RSPH9: variants seen among roughly 807,000 people sequenced by gnomAD.
RSPH9 encodes the protein radial spoke head protein 9 homolog.
Under a neutral mutation model 27.0 loss-of-function variants are expected in RSPH9, and 27 were observed. The observed-to-expected ratio is 1.00, with a 90% CI of 0.74 to 1.38. The LOEUF is 1.38. Among genes scored for constraint, RSPH9 ranks in the 40% most tolerant of loss-of-function variants. The probability of loss-of-function intolerance (pLI) is 0.00; values close to 1 mark genes in which losing one functional copy is unlikely to be tolerated. For synonymous variants in RSPH9, 145 were observed against 147.7 expected (o/e 0.98, Z 0.13); for missense variants, 347 against 357.4 (o/e 0.97, Z 0.24).
At chr6:43,665,262 C>T (rs1773028251) in intron 4 of RSPH9, among the ~76,000 whole-genome samples, 1 of 152,214 alleles carries the variant, frequency 6.6e-6, no homozygotes. Context: ...TCTGCTGTCT[C>T]GGGTAAGGTG....
At chr6:43,652,612 G>C (rs184598517) in intron 2 of RSPH9, among the ~76,000 whole-genome samples, 29 of 151,846 alleles carry the variant, frequency 1.9e-4, no homozygotes, top group African/African-American at 6.8e-4. Context: ...TTTTAGTAGA[G>C]ACGGGGTTTC....
At position 43,672,175 on chromosome 6, in the gene RSPH9, G is replaced by A. The variant is rs1165226202; in HGVS notation, c.*1226G>A. On this transcript the variant is annotated 3_prime_UTR_variant, in exon 5 of 5. Transcript: ENST00000372163. Reference sequence around the variant, plus strand: ...TCCCTTGATCTTTGTAAATGTCAATGTTGGTGTGTGTTTGCTGAGGAAAAG... The same window carrying A: ...TCCCTTGATCTTTGTAAATGTCAATATTGGTGTGTGTTTGCTGAGGAAAAG... 9.2e-6 allele frequency: 5 copies of A among 541,596 alleles called. No homozygotes were observed. The highest frequency in any genetic ancestry group is 1.4e-5 in the Non-Finnish European group (4 of 291,502). 33.5% of individuals were successfully genotyped at this position (541,596 alleles called of 1,614,324 possible).
rs1234696254 is a variant in RSPH9 at position 43,672,518 on chromosome 6, G to A, written c.*1569G>A. ...TTGGCCTCCTTTGGGGATGGCCAGG[G>A]CCCTGATAGTTCCCAGAAAAGTGGC... On this transcript the variant is annotated 3_prime_UTR_variant, in exon 5 of 5. Coordinates refer to ENST00000372163, the MANE Select transcript of RSPH9 (RefSeq NM_152732.5). The A allele has an allele frequency of 1.8e-5, 8 of 443,132 alleles. No homozygotes were observed. The Middle Eastern group carries it at 2.7e-3, about 151-fold the overall frequency. The allele number at this position is 443,132 out of a possible 1,614,324, so 27.5% of individuals were successfully genotyped here.
intron 4 of RSPH9, among the ~76,000 whole-genome samples, chr6:43,660,039 CTTTTT>C (rs1163299257): frequency 2.7e-5 from 3 of 109,312 alleles, no homozygotes; most frequent in African/African-American, 1.1e-4. Flanking sequence ...CCAGCCTGGC[CTTTTT>C]TTTTTTTTTT....
Position 43,645,269 on chromosome 6 carries a change from C to T in RSPH9, c.171C>T (p.Tyr57=). 19 of 1,614,006 alleles carry T rather than the reference C, an allele frequency of 1.2e-5. No individual in the cohort carries two copies. Among genetic ancestry groups the T allele is most frequent in the Non-Finnish European group, 1.5e-5 (18 of 1,180,004 alleles). ...WGRILGLVAD[Y]YIAQGLSEDQ... is the part of the protein sequence containing the mutation. The stretch of plus-strand genomic sequence containing the variant: ...GCATCCTTGGCCTCGTCGCCGATTA[C>T]TACATCGCGCAGGGCCTGAGTGAGG... Residue 57 remains tyrosine (Y), a synonymous_variant, in exon 1 of 5, where the codon TAC becomes TAT. Transcript: ENST00000372163.
chr6:43,658,583 T>C (rs1164929521), intron 4 of RSPH9, among the ~76,000 whole-genome samples: 5 of 152,018 alleles, frequency 3.3e-5, no homozygotes, highest in African/African-American at 1.2e-4. Flanking sequence ...CTCTGTCGCC[T>C]GGGCTGGAGT....
intron 3 of RSPH9, 83 bp downstream of exon 3, chr6:43,655,774 G>A (rs1202705855): frequency 7.3e-6 from 11 of 1,506,132 alleles, no homozygotes; most frequent in Middle Eastern, 3.4e-4. Flanking sequence ...GTCCAGCAGG[G>A]GGGCTTACAC....
chr6:43,669,806 C>G (rs1321714842), intron 4 of RSPH9, among the ~76,000 whole-genome samples: 2 of 152,186 alleles, frequency 1.3e-5, no homozygotes, highest in African/African-American at 4.8e-5. Context: ...CCCTTCCAGC[C>G]AAGTCCTCAT....
rs756964328 is a variant in RSPH9 at position 43,656,674 on chromosome 6, G to C, written c.621G>C (p.Leu207=). The C allele has an allele frequency of 1.2e-6, 2 of 1,614,046 alleles. No individual in the cohort carries two copies. Among genetic ancestry groups the C allele is most frequent in the African/African-American group, 2.7e-5 (2 of 74,944 alleles). Residue 207 remains leucine, a synonymous_variant, in exon 4 of 5, where the codon CTG becomes CTC. Transcript: ENST00000372163. ...KNKTLLEKAD[L]DPSLDFMDSL... is the part of the protein sequence containing the mutation. The stretch of plus-strand genomic sequence containing the variant: ...AGACCTTGCTTGAGAAGGCTGACCT[G>C]GACCCCTCCCTGGATTTCATGGACT...
intron 1 of RSPH9, among the ~76,000 whole-genome samples, chr6:43,647,364 TG>T (rs1262660901): frequency 6.6e-6 from 1 of 151,936 alleles, no homozygotes; most frequent in Non-Finnish European, 1.5e-5. Context: ...CCGATCAGAG[TG>T]GGCAAAATGG....
chr6:43,670,829 G>A lies in RSPH9; in HGVS notation c.711G>A (p.Val237=). Residue 237 remains valine (V), a synonymous_variant, in exon 5 of 5, where the codon GTG becomes GTA. Transcript: ENST00000372163. ...AGATGGAGAGGGGCAATGCCCTGGTGGTGCTGCGCAGCCTGCTCTGGCCGG... is the reference window on the plus strand; with the variant it reads ...AGATGGAGAGGGGCAATGCCCTGGTAGTGCTGCGCAGCCTGCTCTGGCCGG... ...SIQMERGNAL[V]VLRSLLWPGL... The A allele has an allele frequency of 6.2e-7, 1 of 1,614,222 alleles. No homozygotes were observed. The highest frequency in any genetic ancestry group is 8.5e-7 in the Non-Finnish European group (1 of 1,180,054).
chr6:43,670,408 C>T (rs1423914453), intron 4 of RSPH9, among the ~76,000 whole-genome samples: 2 of 152,090 alleles, frequency 1.3e-5, no homozygotes, highest in Non-Finnish European at 2.9e-5. Flanking sequence ...TTGAGACCAG[C>T]CTGGGCAACA....
chr6:43,669,604 TG>T (rs1473078503), intron 4 of RSPH9, among the ~76,000 whole-genome samples: 2 of 152,232 alleles, frequency 1.3e-5, no homozygotes, highest in Non-Finnish European at 2.9e-5. Context: ...AGCGCATGGC[TG>T]GCTGGTCCAA....
Position 43,671,298 on chromosome 6 carries a change from C to A in RSPH9, c.*349C>A. 2.2e-6 allele frequency: 1 copy of A among 458,982 alleles called. No individual in the cohort carries two copies. Among genetic ancestry groups the A allele is most frequent in the Non-Finnish European group, 4.0e-6 (1 of 251,310 alleles). The allele number at this position is 458,982 out of a possible 1,614,324, so 28.4% of individuals were successfully genotyped here. On this transcript the variant is annotated 3_prime_UTR_variant, in exon 5 of 5. Coordinates refer to ENST00000372163, the MANE Select transcript of RSPH9 (RefSeq NM_152732.5). Reference sequence around the variant, plus strand: ...CAGCTCTCCCACAGTAAGGAGCTCACAGCTGTCATGAAGAGGATGGGACCT... The same window carrying A: ...CAGCTCTCCCACAGTAAGGAGCTCAAAGCTGTCATGAAGAGGATGGGACCT...
chr6:43,665,194 A>T (rs376622324), intron 4 of RSPH9, among the ~76,000 whole-genome samples: 1 of 152,236 alleles, frequency 6.6e-6, no homozygotes, highest in South Asian at 2.1e-4. Flanking sequence ...AAAGCCAGCT[A>T]GATGGGGTGG....
At chr6:43,653,578 A>C (rs1344217922) in intron 2 of RSPH9, among the ~76,000 whole-genome samples, 1 of 152,224 alleles carries the variant, frequency 6.6e-6, no homozygotes, top group Admixed American at 6.5e-5. Context: ...ATACAATCCC[A>C]GAATTCAAAG....
chr6:43,659,518 G>A (rs894229099), intron 4 of RSPH9, among the ~76,000 whole-genome samples: 1 of 151,554 alleles, frequency 6.6e-6, no homozygotes, highest in Non-Finnish European at 1.5e-5. Context: ...GAGTATCTGG[G>A]ACTACAGGCG....
intron 4 of RSPH9, among the ~76,000 whole-genome samples, chr6:43,663,576 G>A (rs573174819): frequency 1.3e-5 from 2 of 152,200 alleles, no homozygotes; most frequent in African/African-American, 4.8e-5. Flanking sequence ...GGAATAGGGT[G>A]GCCTGAGGAG....
At chr6:43,657,731 G>T (rs1160199803) in intron 4 of RSPH9, among the ~76,000 whole-genome samples, 1 of 152,180 alleles carries the variant, frequency 6.6e-6, no homozygotes, top group Non-Finnish European at 1.5e-5. Flanking sequence ...CTTACTAGCT[G>T]TGTGACTTCA....
Sources: gnomAD v4.1 joint callset for allele counts (sites outside exome capture counted in the v4.1 genomes callset) on GRCh38, gnomAD v4.1.1 for gene constraint, MANE v1.5 for transcripts, NCBI Gene and HGNC (gene_info 2026-07-23, HGNC 2026-07-21) for gene names.